SH3BGRL2: variants seen among roughly 807,000 people sequenced by gnomAD.
SH3BGRL2 encodes SH3 domain-binding glutamic acid-rich-like protein 2.
A neutral mutation model predicts 14.8 loss-of-function variants in SH3BGRL2; 21 were observed. The observed-to-expected ratio is 1.42, with a 90% confidence interval of 1.01 to 2.05. The LOEUF is 2.05. Among genes scored for constraint, SH3BGRL2 ranks in the 30% most tolerant of loss-of-function variants. The pLI is 0.00. For missense variants in SH3BGRL2, 147 were observed against 130.8 expected, an observed-to-expected ratio of 1.12 and a Z score of -0.61; for synonymous variants, 50 against 47.8, an observed-to-expected ratio of 1.05 and a Z score of -0.19.
At chr6:79,642,936 G>A (rs1267155785) in intron 1 of SH3BGRL2, among the ~76,000 whole-genome samples, 2 of 152,140 alleles carry the variant, frequency 1.3e-5, no homozygotes, top group Non-Finnish European at 2.9e-5. Context: ...AGATGGGCAG[G>A]TAGATGATGG....
the SH3BGRL2 span, among the ~76,000 whole-genome samples, chr6:79,583,471 G>A: frequency 6.6e-6 from 1 of 152,228 alleles, no homozygotes; most frequent in African/African-American, 2.4e-5. Context: ...ATGAGTTCAT[G>A]TCCTTTGCAG....
the SH3BGRL2 span, among the ~76,000 whole-genome samples, chr6:79,585,022 C>G: frequency 6.8e-6 from 1 of 146,176 alleles, no homozygotes; most frequent in African/African-American, 2.5e-5. Flanking sequence ...ATTTTATGTA[C>G]CATTAAGAAA....
the SH3BGRL2 span, among the ~76,000 whole-genome samples, chr6:79,603,376 G>A: frequency 6.6e-6 from 1 of 152,038 alleles, no homozygotes; most frequent in Non-Finnish European, 1.5e-5. Flanking sequence ...GATTTATAAC[G>A]AGGCAGTGTC....
the SH3BGRL2 span, among the ~76,000 whole-genome samples, chr6:79,600,242 C>A: frequency 6.6e-6 from 1 of 152,202 alleles, no homozygotes; most frequent in Non-Finnish European, 1.5e-5. Context: ...CTTACTTTCT[C>A]TAATGAATCT....
At chr6:79,545,708 G>T in the SH3BGRL2 span, among the ~76,000 whole-genome samples, 2 of 152,186 alleles carry the variant, frequency 1.3e-5, no homozygotes, top group Non-Finnish European at 2.9e-5. Context: ...CATTGACAAA[G>T]TTGTGTCATC....
chr6:79,633,601 C>T (rs1768866824), intron 1 of SH3BGRL2, among the ~76,000 whole-genome samples: 1 of 152,124 alleles, frequency 6.6e-6, no homozygotes, highest in South Asian at 2.1e-4. Context: ...CACATGCTTA[C>T]AGACTATAAA....
At chr6:79,618,764 C>A in the SH3BGRL2 span, among the ~76,000 whole-genome samples, 1 of 151,626 alleles carries the variant, frequency 6.6e-6, no homozygotes, top group Non-Finnish European at 1.5e-5. Flanking sequence ...ACTACAAATA[C>A]AAAAATTAGC....
intron 1 of SH3BGRL2, among the ~76,000 whole-genome samples, chr6:79,668,607 G>T (rs1031760340): frequency 1.3e-5 from 2 of 152,080 alleles, no homozygotes; most frequent in African/African-American, 4.8e-5. Flanking sequence ...TAGTGGGGGG[G>T]AGTGGTTGAG....
intron 1 of SH3BGRL2, among the ~76,000 whole-genome samples, chr6:79,656,655 G>T (rs1769424835): frequency 6.6e-6 from 1 of 151,982 alleles, no homozygotes; most frequent in Non-Finnish European, 1.5e-5. Context: ...ACAATAAAGG[G>T]TAACCACTAT....
At chr6:79,654,757 TAGC>T (rs1769370229) in intron 1 of SH3BGRL2, among the ~76,000 whole-genome samples, 1 of 152,172 alleles carries the variant, frequency 6.6e-6, no homozygotes, top group African/African-American at 2.4e-5. Context: ...AAGGACGAAA[TAGC>T]AGGTGGGATT....
At chr6:79,663,227 T>C (rs1769590202) in intron 1 of SH3BGRL2, among the ~76,000 whole-genome samples, 1 of 152,188 alleles carries the variant, frequency 6.6e-6, no homozygotes, top group East Asian at 1.9e-4. Flanking sequence ...GAAGAGGTGC[T>C]CTGGTTTTTA....
chr6:79,569,169 G>C, the SH3BGRL2 span, among the ~76,000 whole-genome samples: 1 of 152,094 alleles, frequency 6.6e-6, no homozygotes, highest in Non-Finnish European at 1.5e-5. Context: ...AGCTTGGGGT[G>C]GATAGTTCAA....
chr6:79,629,803 T>C (rs1409500868), upstream of SH3BGRL2, among the ~76,000 whole-genome samples: 1 of 152,220 alleles, frequency 6.6e-6, no homozygotes, highest in East Asian at 1.9e-4. Flanking sequence ...ATAGGTGCTC[T>C]GCTGACAGAG....
chr6:79,617,254 A>G, the SH3BGRL2 span, among the ~76,000 whole-genome samples: 1 of 152,196 alleles, frequency 6.6e-6, no homozygotes, highest in Non-Finnish European at 1.5e-5. Context: ...AATGATTATT[A>G]ACATTTTATC....
At chr6:79,635,423 T>C (rs1768903932) in intron 1 of SH3BGRL2, among the ~76,000 whole-genome samples, 1 of 152,236 alleles carries the variant, frequency 6.6e-6, no homozygotes, top group Non-Finnish European at 1.5e-5. Context: ...CATTCTTGCA[T>C]TGAATGACTC....
chr6:79,663,628 C>G (rs186478488), intron 1 of SH3BGRL2, among the ~76,000 whole-genome samples: 3 of 152,318 alleles, frequency 2.0e-5, no homozygotes, highest in Admixed American at 6.5e-5. Flanking sequence ...GGATCAGGGA[C>G]CCACTTGAGG....
chr6:79,564,273 T>G, the SH3BGRL2 span, among the ~76,000 whole-genome samples: 1 of 152,082 alleles, frequency 6.6e-6, no homozygotes, highest in Admixed American at 6.6e-5. Flanking sequence ...ATAAATCAGC[T>G]GAAAAATGAA....
chr6:79,538,018 GTTTTTTTTT>G, the SH3BGRL2 span, among the ~76,000 whole-genome samples: 387 of 44,118 alleles, frequency 8.8e-3, 4 homozygotes, highest in East Asian at 0.017. Flanking sequence ...TTGCACACAA[GTTTTTTTTT>G]TTTTTTTTTT....
intron 2 of SH3BGRL2, among the ~76,000 whole-genome samples, chr6:79,676,137 C>T (rs1769878105): frequency 6.6e-6 from 1 of 152,056 alleles, no homozygotes. Flanking sequence ...GGAATCTCTG[C>T]CTGGCTATTG....
Sources: allele counts gnomAD v4.1 joint callset (sites outside exome capture counted in the v4.1 genomes callset), GRCh38; gene constraint gnomAD v4.1.1; transcripts MANE v1.5; gene names NCBI Gene and HGNC (gene_info 2026-07-23, HGNC 2026-07-21).